STAT3: variants seen among roughly 807,000 people sequenced by gnomAD.
STAT3 encodes signal transducer and activator of transcription 3.
Under a neutral mutation model 114.3 loss-of-function variants are expected in STAT3, and 7 were observed. The ratio of observed to expected loss-of-function variants is 0.06; its 90% CI spans 0.03 to 0.11. The LOEUF (loss-of-function observed/expected upper bound fraction) is 0.11. Ranked by LOEUF, STAT3 falls within the 10% of genes least tolerant of loss-of-function variation. The pLI is 1.00. For synonymous variants in STAT3, 331 were observed against 354.5 expected (o/e 0.93, Z 0.74); for missense variants, 364 against 960.9 (o/e 0.38, Z 8.21).
At chr17:42,317,430 C>T (rs1242239102) in intron 21 of STAT3, 4 of 644,880 alleles carry the variant, frequency 6.2e-6, no homozygotes, top group Non-Finnish European at 1.1e-5. Flanking sequence ...CTGTGAACTT[C>T]AGTTCTTTGC....
intron 1 of STAT3, among the ~76,000 whole-genome samples, chr17:42,364,370 T>C (rs1598484689): frequency 6.6e-6 from 1 of 152,110 alleles, no homozygotes; most frequent in Non-Finnish European, 1.5e-5. Flanking sequence ...CAGTGGTAGG[T>C]TGAGCAAGCA....
chr17:42,321,206 A>G, intron 21 of STAT3, among the ~76,000 whole-genome samples: 1 of 147,250 alleles, frequency 6.8e-6, no homozygotes, highest in East Asian at 2.0e-4. Context: ...TGCAGCCTCA[A>G]CCTCCTGGGC....
intron 1 of STAT3, chr17:42,386,904 T>C (rs543124024): frequency 6.6e-6 from 1 of 152,320 alleles, no homozygotes; most frequent in East Asian, 1.9e-4. Context: ...AGCACTCCTG[T>C]CTGGAACATG....
rs150549328 is a variant in STAT3, at chr17:42,317,894, C to T, written c.2102-670G>A. On this transcript the variant is annotated intron_variant, in intron 21 of 23. Coordinates refer to ENST00000264657, the MANE Select transcript of STAT3 (RefSeq NM_139276.3). ...AACTAGAAGACCGGAGACCTGGGTC[C>T]AGGTACATCTTCAATAGCTAAGAGA... Among the ~76,000 whole-genome samples, 140 of 152,270 alleles carry T rather than the reference C, an allele frequency of 9.2e-4. 1 individual carries two copies. Among genetic ancestry groups the T allele is most frequent in the African/African-American group, 3.3e-3 (137 of 41,560 alleles).
intron 4 of STAT3, among the ~76,000 whole-genome samples, chr17:42,340,345 AACTCC>A (rs1489895604): frequency 7.3e-6 from 1 of 137,058 alleles, no homozygotes; most frequent in Non-Finnish European, 1.5e-5. Flanking sequence ...ACAAAAGTGA[AACTCC>A]ATCTCAAAAA....
chr17:42,362,809 C>T (rs577967493), intron 1 of STAT3, among the ~76,000 whole-genome samples: 1 of 152,280 alleles, frequency 6.6e-6, no homozygotes, highest in South Asian at 2.1e-4. Flanking sequence ...TGGCTCTGCC[C>T]CTCTCGTATG....
chr17:42,339,290 C>A (rs368675993), intron 5 of STAT3, 24 bp downstream of exon 5: 1 of 1,610,598 alleles, frequency 6.2e-7, no homozygotes, highest in South Asian at 1.1e-5. Context: ...AAGCTCCCTG[C>A]CCGAGGCTTG....
intron 22 of STAT3, 111 bp from the exon 23 acceptor site, chr17:42,317,012 A>C (rs2081280755): frequency 1.3e-6 from 2 of 1,558,794 alleles, no homozygotes; most frequent in African/African-American, 1.4e-5. Context: ...CTGGTCTCCA[A>C]CAGAAAAATA....
intron 4 of STAT3, 106 bp from the exon 5 acceptor site, chr17:42,339,515 G>T: frequency 9.2e-7 from 1 of 1,090,796 alleles, no homozygotes; most frequent in East Asian, 2.5e-5. Flanking sequence ...TTTGGCTTGA[G>T]ACGCTGCTGC....
chr17:42,385,900 C>A (rs2085075065), intron 1 of STAT3, among the ~76,000 whole-genome samples: 1 of 152,146 alleles, frequency 6.6e-6, no homozygotes, highest in Admixed American at 6.6e-5. Context: ...ATTTGTATTT[C>A]TTTTTTCACC....
At chr17:42,319,339 C>G (rs2081371980) in intron 21 of STAT3, among the ~76,000 whole-genome samples, 1 of 151,814 alleles carries the variant, frequency 6.6e-6, no homozygotes, top group Admixed American at 6.6e-5. Flanking sequence ...GTCAGGGGTT[C>G]GAGACCAGCC....
chr17:42,383,779 A>G (rs1198934650), intron 1 of STAT3, among the ~76,000 whole-genome samples: 1 of 152,216 alleles, frequency 6.6e-6, no homozygotes, highest in East Asian at 1.9e-4. Context: ...GTACTCTTTC[A>G]GTGGTTTTTA....
chr17:42,359,981 A>C (rs2034512752), intron 1 of STAT3, among the ~76,000 whole-genome samples: 1 of 144,902 alleles, frequency 6.9e-6, no homozygotes, highest in South Asian at 2.2e-4. Flanking sequence ...AATGGTGTGA[A>C]CCTGGGAGGC....
At chr17:42,316,606 C>T (rs1295751848) in intron 23 of STAT3, 183 bp downstream of exon 23, 12 of 1,461,916 alleles carry the variant, frequency 8.2e-6, no homozygotes, top group Non-Finnish European at 1.1e-5. Flanking sequence ...CGTCTATTTC[C>T]AGTGTGGCTG....
intron 1 of STAT3, among the ~76,000 whole-genome samples, chr17:42,372,636 A>C (rs541554912): frequency 6.6e-6 from 1 of 152,310 alleles, no homozygotes; most frequent in Admixed American, 6.5e-5. Flanking sequence ...ATACATCATC[A>C]CACATTTGTC....
At chr17:42,348,312 G>A (rs1400714173) in intron 2 of STAT3, 77 bp downstream of exon 2, 4 of 1,570,746 alleles carry the variant, frequency 2.5e-6, no homozygotes, top group Non-Finnish European at 3.5e-6. Context: ...GAACAGCAAG[G>A]CATGACATTA....
intron 21 of STAT3, among the ~76,000 whole-genome samples, chr17:42,321,805 C>T (rs992064046): frequency 3.3e-5 from 5 of 152,210 alleles, no homozygotes; most frequent in South Asian, 2.1e-4. Context: ...TTTTGGGGGA[C>T]GTATGTGTAT....
At chr17:42,378,380 G>A (rs1464067183) in intron 1 of STAT3, among the ~76,000 whole-genome samples, 1 of 152,126 alleles carries the variant, frequency 6.6e-6, no homozygotes, top group Non-Finnish European at 1.5e-5. Context: ...AGAGTAGCTG[G>A]GATTACAGGC....
intron 17 of STAT3, 51 bp from the exon 18 acceptor site, chr17:42,323,676 A>C: frequency 6.4e-7 from 1 of 1,572,798 alleles, no homozygotes; most frequent in Non-Finnish European, 8.7e-7. Flanking sequence ...TGGGGTCAAG[A>C]GGTTATTTCT....
Sources: allele counts gnomAD v4.1 joint callset (sites outside exome capture counted in the v4.1 genomes callset), GRCh38; gene constraint gnomAD v4.1.1; transcripts MANE v1.5; gene names NCBI Gene and HGNC (gene_info 2026-07-23, HGNC 2026-07-21).